The following ST8SIA5 variants were observed in gnomAD, a reference collection of about 807,000 sequenced individuals.
The protein encoded by ST8SIA5 is alpha-2,8-sialyltransferase 8E.
In ST8SIA5, 24 loss-of-function variants were observed where a neutral mutation model predicts 40.2. The ratio of observed to expected loss-of-function variants is 0.60; its 90% confidence interval spans 0.43 to 0.84. ST8SIA5 has a LOEUF of 0.84. Among genes scored for constraint, ST8SIA5 ranks in the 40% least tolerant of loss-of-function variants. The pLI is 0.00. For missense variants in ST8SIA5, 465 were observed against 498.5 expected (o/e 0.93, Z 0.64); for synonymous variants, 198 against 201.8 (o/e 0.98, Z 0.16).
At chr18:46,746,502 A>C (rs1042013711) in intron 1 of ST8SIA5, among the ~76,000 whole-genome samples, 2 of 152,210 alleles carry the variant, frequency 1.3e-5, no homozygotes, top group East Asian at 3.9e-4. Context: ...TAGGAATCCA[A>C]CTTACAAGGG....
At chr18:46,744,315 G>A (rs2144564101) in intron 1 of ST8SIA5, among the ~76,000 whole-genome samples, 1 of 152,228 alleles carries the variant, frequency 6.6e-6, no homozygotes, top group Admixed American at 6.5e-5. Flanking sequence ...GTATTCAGGA[G>A]ACCCATCTCA....
At chr18:46,738,023 G>A (rs1425730459) in intron 1 of ST8SIA5, among the ~76,000 whole-genome samples, 1 of 151,912 alleles carries the variant, frequency 6.6e-6, no homozygotes, top group Non-Finnish European at 1.5e-5. Flanking sequence ...TGCCCACCTC[G>A]GCCTCTCAAA....
intron 1 of ST8SIA5, among the ~76,000 whole-genome samples, chr18:46,710,653 G>A (rs1206853211): frequency 2.0e-4 from 4 of 19,888 alleles, no homozygotes; most frequent in South Asian, 2.0e-3. Context: ...TGATTCTCCC[G>A]AAGAGGCTCC....
intron 2 of ST8SIA5, among the ~76,000 whole-genome samples, chr18:46,693,995 G>C (rs564695717): frequency 6.6e-6 from 1 of 152,122 alleles, no homozygotes; most frequent in African/African-American, 2.4e-5. Context: ...TTGGTTTTGC[G>C]GGTGATTCTC....
intron 1 of ST8SIA5, among the ~76,000 whole-genome samples, chr18:46,716,892 G>A (rs2039797500): frequency 6.6e-6 from 1 of 152,248 alleles, no homozygotes; most frequent in Admixed American, 6.5e-5. Flanking sequence ...GGAGGAAGTG[G>A]ATACTGGAGG....
chr18:46,699,021 G>T (rs1330543342), intron 2 of ST8SIA5, among the ~76,000 whole-genome samples: 6 of 152,200 alleles, frequency 3.9e-5, no homozygotes, highest in South Asian at 4.1e-4. Context: ...AACACTATTT[G>T]TTATTCTTCA....
intron 1 of ST8SIA5, among the ~76,000 whole-genome samples, chr18:46,712,416 G>C (rs764840953): frequency 6.6e-6 from 1 of 152,198 alleles, no homozygotes; most frequent in Non-Finnish European, 1.5e-5. Context: ...GCCAGGGAAA[G>C]GATTCGGTCT....
chr18:46,741,772 T>C (rs985106556), intron 1 of ST8SIA5, among the ~76,000 whole-genome samples: 1 of 152,302 alleles, frequency 6.6e-6, no homozygotes, highest in South Asian at 2.1e-4. Flanking sequence ...CACCATTCAA[T>C]AGATGTAGAA....
intron 1 of ST8SIA5, among the ~76,000 whole-genome samples, chr18:46,719,283 G>A (rs7243940): frequency 0.92 from 140,743 of 152,194 alleles, 65,770 homozygotes; most frequent in Non-Finnish European, 1. Context: ...GCAGGCTCCC[G>A]GCTGATAGGA....
At chr18:46,696,126 A>G (rs2039554772) in intron 2 of ST8SIA5, among the ~76,000 whole-genome samples, 2 of 152,222 alleles carry the variant, frequency 1.3e-5, no homozygotes, top group Non-Finnish European at 2.9e-5. Flanking sequence ...ATATCTGGGA[A>G]AAGTGTATTC....
chr18:46,682,370 G>T (rs1267740472), intron 5 of ST8SIA5, among the ~76,000 whole-genome samples: 1 of 152,190 alleles, frequency 6.6e-6, no homozygotes, highest in Non-Finnish European at 1.5e-5. Context: ...GCTCTTAGAG[G>T]ACAGGTGGCT....
chr18:46,742,581 GA>G (rs2040097898), intron 1 of ST8SIA5, among the ~76,000 whole-genome samples: 1 of 152,210 alleles, frequency 6.6e-6, no homozygotes, highest in Admixed American at 6.5e-5. Context: ...AACTCAAGAA[GA>G]AAAAGTAAAA....
chr18:46,731,499 G>A (rs1299611032), intron 1 of ST8SIA5, among the ~76,000 whole-genome samples: 1 of 152,236 alleles, frequency 6.6e-6, no homozygotes, highest in African/African-American at 2.4e-5. Context: ...CGCCCCAGCA[G>A]GAGAGCCCAG....
intron 1 of ST8SIA5, among the ~76,000 whole-genome samples, chr18:46,737,685 A>G (rs932833415): frequency 6.6e-6 from 1 of 152,210 alleles, no homozygotes; most frequent in Non-Finnish European, 1.5e-5. Context: ...TAATAGGACT[A>G]TGGAGAGGAT....
intron 2 of ST8SIA5, among the ~76,000 whole-genome samples, chr18:46,692,470 C>A (rs1223937557): frequency 1.3e-5 from 2 of 151,674 alleles, no homozygotes; most frequent in African/African-American, 2.4e-5. Flanking sequence ...ATGGTGTGAT[C>A]TCAGCTCACT....
intron 2 of ST8SIA5, among the ~76,000 whole-genome samples, chr18:46,702,001 G>A (rs912820874): frequency 6.6e-6 from 1 of 152,010 alleles, no homozygotes. Context: ...ATAAAAACTA[G>A]CCTGGCACAG....
At chr18:46,702,523 G>A (rs917965726) in intron 2 of ST8SIA5, among the ~76,000 whole-genome samples, 12 of 152,106 alleles carry the variant, frequency 7.9e-5, no homozygotes, top group Admixed American at 7.2e-4. Flanking sequence ...CTTCCCCGCC[G>A]GCATTCGAGC....
chr18:46,682,073 G>C lies in ST8SIA5; in HGVS notation c.570-9C>G, dbSNP rs762044701. 1.2e-6 allele frequency: 2 copies of C among 1,600,994 alleles called. No homozygotes were observed. The highest frequency in any genetic ancestry group is 1.7e-6 in the Non-Finnish European group (2 of 1,174,340). On this transcript the variant is annotated splice_polypyrimidine_tract_variant and intron_variant, in intron 5 of 6. Transcript: ENST00000315087. ...TGGGGGGCAGGTTGCACCTGCAGAA[G>C]AGAAAAGGCAGCCCAAGGTGGTTGG...
At chr18:46,719,738 TCCTTC>T (rs2039839793) in intron 1 of ST8SIA5, among the ~76,000 whole-genome samples, 2 of 23,278 alleles carry the variant, frequency 8.6e-5, no homozygotes, top group Non-Finnish European at 1.2e-4. Context: ...CTCTCTTCTT[TCCTTC>T]CTTTCTTTCT....
Sources: gnomAD v4.1 joint callset for allele counts (sites outside exome capture counted in the v4.1 genomes callset) on GRCh38, gnomAD v4.1.1 for gene constraint, MANE v1.5 for transcripts, NCBI Gene and HGNC (gene_info 2026-07-23, HGNC 2026-07-21) for gene names.